HHAT: variants seen among roughly 807,000 people sequenced by gnomAD.
HHAT encodes protein-cysteine N-palmitoyltransferase HHAT.
HHAT carries 47 observed loss-of-function variants against 70.8 expected under a neutral mutation model. The ratio of observed to expected loss-of-function variants is 0.66; its 90% CI spans 0.53 to 0.85. The LOEUF (loss-of-function observed/expected upper bound fraction) is 0.85. Among genes scored for constraint, HHAT ranks in the 40% least tolerant of loss-of-function variants. The pLI is 0.00. For synonymous variants in HHAT, 228 were observed against 247.6 expected (o/e 0.92, Z 0.74); for missense variants, 609 against 604.8 (o/e 1.01, Z -0.07).
intron 1 of HHAT, among the ~76,000 whole-genome samples, chr1:210,345,018 T>A (rs1558318655): frequency 6.6e-6 from 1 of 152,172 alleles, no homozygotes; most frequent in Non-Finnish European, 1.5e-5. Flanking sequence ...GTGGTTCCAT[T>A]AAGGCAAGAG....
chr1:210,483,377 C>T (rs2094427661), intron 8 of HHAT, among the ~76,000 whole-genome samples: 1 of 152,178 alleles, frequency 6.6e-6, no homozygotes, highest in Non-Finnish European at 1.5e-5. Flanking sequence ...TCTCTGAGCC[C>T]AGCAAGCGTC....
chr1:210,340,504 A>G (rs1206509512), intron 1 of HHAT, among the ~76,000 whole-genome samples: 1 of 152,008 alleles, frequency 6.6e-6, no homozygotes, highest in African/African-American at 2.4e-5. Flanking sequence ...TTTCACTTTT[A>G]TTGCTTGTGG....
At chr1:210,466,136 TGCAAGGAATC>T (rs1315979641) in intron 8 of HHAT, among the ~76,000 whole-genome samples, 2 of 150,994 alleles carry the variant, frequency 1.3e-5, no homozygotes, top group African/African-American at 2.5e-5. Context: ...AGGAATGAAT[TGCAAGGAATC>T]GCAAGGAATT....
At chr1:210,529,433 C>A (rs1416436931) in intron 9 of HHAT, among the ~76,000 whole-genome samples, 1 of 151,968 alleles carries the variant, frequency 6.6e-6, no homozygotes, top group Non-Finnish European at 1.5e-5. Context: ...ACTGAGAGAT[C>A]AGTGTTTATT....
At chr1:210,544,369 T>G (rs1269939107) in intron 9 of HHAT, among the ~76,000 whole-genome samples, 2 of 54,206 alleles carry the variant, frequency 3.7e-5, no homozygotes, top group East Asian at 2.7e-4. Context: ...TTTCTTTCGT[T>G]TTTTTTTTTT....
In HHAT at chr1:210,653,683, T is replaced by C. The variant is rs541614243; in HGVS notation, c.1391-20605T>C. Among the ~76,000 whole-genome samples the C allele has an allele frequency of 1.2e-4, 19 of 152,240 alleles. No individual in the cohort carries two copies. The East Asian group carries it at 3.5e-3, about 28-fold the overall frequency. ...CAGAGGAGTGAGGGGAGATTTCCTT[T>C]TCCCTGCCTACCCTTTGGTACCTTT... On this transcript the variant is annotated intron_variant, in intron 11 of 11. Coordinates refer to ENST00000261458, the MANE Select transcript of HHAT (RefSeq NM_018194.6).
intron 10 of HHAT, among the ~76,000 whole-genome samples, chr1:210,616,086 A>G (rs1667668220): frequency 6.6e-6 from 1 of 152,198 alleles, no homozygotes; most frequent in South Asian, 2.1e-4. Context: ...TAAATGACAC[A>G]CAAAGATGTA....
intron 9 of HHAT, among the ~76,000 whole-genome samples, chr1:210,563,585 G>T (rs2095643295): frequency 6.6e-6 from 1 of 152,194 alleles, no homozygotes; most frequent in African/African-American, 2.4e-5. Context: ...TGGGAGAGCA[G>T]GGAGTTGGGA....
intron 9 of HHAT, among the ~76,000 whole-genome samples, chr1:210,521,706 T>G (rs1178030498): frequency 6.6e-6 from 1 of 152,138 alleles, no homozygotes. Context: ...GGTGGTCAAA[T>G]GAAGGATTAA....
At chr1:210,617,367 G>A (rs959260757) in intron 10 of HHAT, among the ~76,000 whole-genome samples, 7 of 152,220 alleles carry the variant, frequency 4.6e-5, no homozygotes, top group Non-Finnish European at 1.0e-4. Flanking sequence ...TTGCAGAGTA[G>A]AGGCACATAA....
At chr1:210,494,964 A>G (rs74156185) in intron 8 of HHAT, among the ~76,000 whole-genome samples, 5 of 152,124 alleles carry the variant, frequency 3.3e-5, no homozygotes, top group African/African-American at 4.8e-5. Flanking sequence ...AGTCTTTAGC[A>G]TAGGTAGCAC....
chr1:210,476,197 A>C (rs2094304113), intron 8 of HHAT, among the ~76,000 whole-genome samples: 2 of 152,344 alleles, frequency 1.3e-5, no homozygotes, highest in East Asian at 3.9e-4. Context: ...AGCTACAGAC[A>C]ACATTTGTTT....
intron 7 of HHAT, among the ~76,000 whole-genome samples, chr1:210,447,095 T>C (rs2093650750): frequency 6.6e-6 from 1 of 152,264 alleles, no homozygotes; most frequent in South Asian, 2.1e-4. Context: ...ATTTGGGGTC[T>C]GAAGATCTGA....
chr1:210,580,032 A>G (rs542662474), intron 9 of HHAT, among the ~76,000 whole-genome samples: 3 of 152,344 alleles, frequency 2.0e-5, no homozygotes, highest in Admixed American at 6.5e-5. Context: ...AGTGTAGGCT[A>G]AATATAGCTT....
At chr1:210,625,299 C>T (rs1194924846) in intron 11 of HHAT, among the ~76,000 whole-genome samples, 2 of 152,140 alleles carry the variant, frequency 1.3e-5, no homozygotes, top group African/African-American at 4.8e-5. Flanking sequence ...CAGAACCTAG[C>T]ACAATGATAA....
intron 1 of HHAT, 112 bp from the exon 2 acceptor site, chr1:210,348,821 T>C: frequency 8.3e-6 from 9 of 1,078,092 alleles, no homozygotes; most frequent in Non-Finnish European, 1.2e-5. Context: ...GTTATGTCTG[T>C]ATCACCTTGA....
At chr1:210,397,103 A>G (rs1393305911) in intron 4 of HHAT, among the ~76,000 whole-genome samples, 1 of 152,124 alleles carries the variant, frequency 6.6e-6, no homozygotes, top group African/African-American at 2.4e-5. Context: ...TGGTTATGAT[A>G]TTTGTGGTTT....
At chr1:210,587,274 G>T (rs1460042351) in intron 9 of HHAT, among the ~76,000 whole-genome samples, 2 of 152,310 alleles carry the variant, frequency 1.3e-5, no homozygotes, top group Non-Finnish European at 2.9e-5. Context: ...AATCATGGCA[G>T]AAGGTGAAGG....
At chr1:210,650,542 T>G (rs895802472) in intron 11 of HHAT, among the ~76,000 whole-genome samples, 5 of 152,252 alleles carry the variant, frequency 3.3e-5, no homozygotes, top group Non-Finnish European at 7.3e-5. Context: ...TGATTATTTT[T>G]TCTTTTCATT....
Sources: gnomAD v4.1 joint callset for allele counts (sites outside exome capture counted in the v4.1 genomes callset) on GRCh38, gnomAD v4.1.1 for gene constraint, MANE v1.5 for transcripts, NCBI Gene and HGNC (gene_info 2026-07-23, HGNC 2026-07-21) for gene names.